Variants in SWI5 observed in about 807,000 individuals in gnomAD.
SWI5 encodes DNA repair protein SWI5 homolog.
A neutral mutation model predicts 17.0 loss-of-function variants in SWI5; 12 were observed. The ratio of observed to expected loss-of-function variants is 0.71; its 90% CI spans 0.45 to 1.14. The LOEUF (loss-of-function observed/expected upper bound fraction) is 1.14, where lower values mean the gene tolerates loss of function less well. Ranked by LOEUF, SWI5 falls within the 50% of genes most tolerant of loss-of-function variation. SWI5 has a pLI of 0.00. For missense variants in SWI5, 158 were observed against 162.2 expected, an observed-to-expected ratio of 0.97 and a Z score of 0.14; for synonymous variants, 61 against 64.0, an observed-to-expected ratio of 0.95 and a Z score of 0.22.
At chr9:128,283,949 C>T (rs753376871) in intron 2 of SWI5, among the ~76,000 whole-genome samples, 2 of 151,152 alleles carry the variant, frequency 1.3e-5, no homozygotes, top group Admixed American at 6.6e-5. Flanking sequence ...CCTATAATCA[C>T]GCCACTGCAA....
chr9:128,275,820 G>A, upstream of SWI5: 2 of 797,222 alleles, frequency 2.5e-6, no homozygotes, highest in South Asian at 1.7e-5. Flanking sequence ...GAGTGGCAGA[G>A]ACTCTGGCCA....
chr9:128,278,430 A>G (rs1023471868), intron 2 of SWI5, among the ~76,000 whole-genome samples: 1 of 152,010 alleles, frequency 6.6e-6, no homozygotes, highest in Non-Finnish European at 1.5e-5. Context: ...AGCTGAGCAT[A>G]GTGGTACATG....
chr9:128,286,192 T>C, intron 4 of SWI5, 159 bp downstream of exon 4: 1 of 591,100 alleles, frequency 1.7e-6, no homozygotes, highest in Non-Finnish European at 3.0e-6. Context: ...CTGACCAGCC[T>C]CTGGTCTCCC....
At chr9:128,284,422 A>G (rs746858817) in intron 2 of SWI5, 88 bp from the exon 3 acceptor site, 7 of 1,502,362 alleles carry the variant, frequency 4.7e-6, no homozygotes, top group African/African-American at 1.4e-5. Context: ...ATTAGCAAGC[A>G]GAAGCAGGGA....
exon 5 of SWI5, chr9:128,288,664 G>T (rs990712760): frequency 1.2e-6 from 2 of 1,614,152 alleles, no homozygotes; most frequent in African/African-American, 2.7e-5. Flanking sequence ...GTGATCCGAG[G>T]TGTCACCACC....
At chr9:128,282,294 G>A (rs970736707) in intron 2 of SWI5, among the ~76,000 whole-genome samples, 5 of 152,188 alleles carry the variant, frequency 3.3e-5, no homozygotes, top group Non-Finnish European at 7.3e-5. Context: ...GGCTGAGGCA[G>A]GAAAATCGCT....
chr9:128,284,600 C>T (rs373392149), exon 3 of SWI5: 13 of 1,613,678 alleles, frequency 8.1e-6, no homozygotes, highest in Admixed American at 1.7e-5. Context: ...GAGGGACATG[C>T]TGGACAAGGA....
intron 2 of SWI5, among the ~76,000 whole-genome samples, chr9:128,283,115 G>T (rs1304526885): frequency 6.6e-6 from 1 of 151,802 alleles, no homozygotes; most frequent in Non-Finnish European, 1.5e-5. Context: ...AGGAGTTCGA[G>T]ACCAGCCTGG....
intron 2 of SWI5, among the ~76,000 whole-genome samples, chr9:128,281,752 A>G (rs1225881356): frequency 6.6e-6 from 1 of 152,250 alleles, no homozygotes; most frequent in African/African-American, 2.4e-5. Context: ...AATGAAATGC[A>G]TAACTTGTCG....
chr9:128,278,766 T>G (rs1831482901), intron 2 of SWI5: 1 of 430,230 alleles, frequency 2.3e-6, no homozygotes, highest in Non-Finnish European at 4.7e-6. Flanking sequence ...GAGTTGTTTT[T>G]GGTTTTTTTT....
Position 128,276,544 on chromosome 9 carries a change from G to A in SWI5, c.62+142G>A, listed in dbSNP as rs368174634. 7 of 1,573,204 alleles carry A rather than the reference G, an allele frequency of 4.4e-6. No individual in the cohort carries two copies. The African/African-American group carries it at 6.8e-5, about 15-fold the overall frequency. On this transcript the variant is annotated intron_variant, in intron 1 of 4. Coordinates refer to ENST00000418976, the Ensembl canonical transcript of SWI5. ...GTCTCAGAACGCCCCCTTCCTAGAG[G>A]GTCTCTACCCTGATCCTGAGAGCGT...
At chr9:128,283,629 G>A (rs1412174727) in intron 2 of SWI5, among the ~76,000 whole-genome samples, 2 of 152,216 alleles carry the variant, frequency 1.3e-5, no homozygotes, top group African/African-American at 4.8e-5. Flanking sequence ...GGTTTGACTA[G>A]GAGTGAAAGA....
rs1459207756 is a variant in SWI5 at position 128,285,937 on chromosome 9, A to G, written c.234-2A>G. ...TCCCCCTCTCTCCATCGCTTATCCC[A>G]GAGGCTACAGTGTGGATGAACTGGA... is the stretch of plus-strand genomic sequence containing the variant. On this transcript the variant is annotated splice_acceptor_variant, in intron 3 of 4. Transcript: ENST00000418976. LOFTEE classifies it high-confidence loss of function. This position sits in a 1 kb window ranked among gnomAD's most constrained non-coding sequence, Gnocchi z 4.8. 2 of 1,611,504 alleles carry G rather than the reference A, an allele frequency of 1.2e-6. No homozygotes were observed. The highest frequency in any genetic ancestry group is 1.7e-6 in the Non-Finnish European group (2 of 1,177,630).
At chr9:128,281,028 C>CTTTTTTTTT (rs11306272) in intron 2 of SWI5, among the ~76,000 whole-genome samples, 2 of 43,758 alleles carry the variant, frequency 4.6e-5, no homozygotes, top group African/African-American at 1.5e-4. Context: ...TTCAACCATG[C>CTTTTTTTTT]TTTTTTTTTT....
chr9:128,275,770 C>A, upstream of SWI5: 1 of 607,718 alleles, frequency 1.6e-6, no homozygotes. Context: ...GTGGAGGGAG[C>A]CCGGACGCGC....
chr9:128,276,567 C>A, intron 1 of SWI5, 140 bp from the exon 2 acceptor site: 1 of 1,589,918 alleles, frequency 6.3e-7, no homozygotes, highest in South Asian at 1.1e-5. Flanking sequence ...ATCCTGAGAG[C>A]GTGTCTGCCC....
At chr9:128,287,455 A>G (rs192582907) in intron 4 of SWI5, among the ~76,000 whole-genome samples, 2,556 of 150,266 alleles carry the variant, frequency 0.017, 62 homozygotes, top group African/African-American at 0.058. Context: ...TCCATCTCAA[A>G]AAAAAAAAAA....
chr9:128,282,770 C>T (rs1831564040), intron 2 of SWI5, among the ~76,000 whole-genome samples: 1 of 152,228 alleles, frequency 6.6e-6, no homozygotes, highest in African/African-American at 2.4e-5. Flanking sequence ...ACAGCTCATC[C>T]AACATACATT....
chr9:128,278,746 C>G, intron 2 of SWI5: 1 of 437,978 alleles, frequency 2.3e-6, no homozygotes, highest in South Asian at 1.7e-5. Context: ...GGGCTTTAAA[C>G]TGAGAAACTG....
Sources: gnomAD v4.1 joint callset for allele counts (sites outside exome capture counted in the v4.1 genomes callset) on GRCh38, gnomAD v4.1.1 for gene constraint, Gnocchi (gnomAD v3.1) non-coding constraint, MANE v1.5 for transcripts, NCBI Gene and HGNC (gene_info 2026-07-23, HGNC 2026-07-21) for gene names.